Variants in CELF6 observed in about 807,000 individuals in gnomAD.
The protein encoded by CELF6 is CUGBP Elav-like family member 6.
Under a neutral mutation model 53.1 loss-of-function variants are expected in CELF6, and 32 were observed. The observed-to-expected ratio is 0.60, with a 90% CI of 0.46 to 0.81. The LOEUF is 0.81. CELF6 is among the 30% of genes least tolerant of loss of function. The probability of loss-of-function intolerance (pLI) is 0.00; values close to 1 mark genes in which losing one functional copy is unlikely to be tolerated. For synonymous variants in CELF6, 291 were observed against 288.8 expected, an observed-to-expected ratio of 1.01 and a Z score of -0.08; for missense variants, 539 against 669.5, an observed-to-expected ratio of 0.81 and a Z score of 2.15.
Position 72,289,248 on chromosome 15 carries a change from G to C in CELF6, c.920C>G (p.Pro307Arg). The C allele has an allele frequency of 2.5e-6, 4 of 1,584,512 alleles. No individual in the cohort carries two copies. The South Asian group carries it at 4.6e-5, about 18-fold the overall frequency. Residue 307 changes from proline to arginine, a missense_variant, in exon 8 of 13, where the codon CCA becomes CGA. Physicochemically the swap from Pro to Arg is moderately radical, Grantham distance 103 (BLOSUM62 -2). Coordinates refer to ENST00000287202, the MANE Select transcript of CELF6 (RefSeq NM_052840.5). This position sits in a 1 kb window ranked among gnomAD's most constrained non-coding sequence, Gnocchi z 7.6. ...SPPGSGPGTL[P>R]GLPAPIGVNG... ...GACCCCGATGGGCGCCGGAAGACCTGGGAGGGTGCCAGGGCCGCTGCCAGG... is the reference window on the plus strand; with the variant it reads ...GACCCCGATGGGCGCCGGAAGACCTCGGAGGGTGCCAGGGCCGCTGCCAGG...
chr15:72,302,744 C>A (rs575079239), intron 3 of CELF6, among the ~76,000 whole-genome samples: 3 of 152,352 alleles, frequency 2.0e-5, no homozygotes, highest in Non-Finnish European at 1.5e-5. Flanking sequence ...TTCTTCTGAG[C>A]TCTGGGGCCT....
intron 2 of CELF6, among the ~76,000 whole-genome samples, chr15:72,306,822 C>T (rs1159715099): frequency 6.6e-6 from 1 of 151,958 alleles, no homozygotes; most frequent in Non-Finnish European, 1.5e-5. Flanking sequence ...TGGGCATGGC[C>T]ACCTGTGATT....
Position 72,285,281 on chromosome 15 carries a change from C to G in CELF6, c.*1090G>C, listed in dbSNP as rs1475539665. 6.6e-6 allele frequency: 1 copy of G among 152,668 alleles called. No homozygotes were observed. Among genetic ancestry groups the G allele is most frequent in the Non-Finnish European group, 1.5e-5 (1 of 68,056 alleles). The allele number at this position is 152,668 out of a possible 1,614,324, so 9.5% of individuals were successfully genotyped here. A position where few individuals can be genotyped will look rare whatever the true frequency, so the allele number is the denominator to read the frequency against. ...TAAAGAGGGACCTCTAATTCTGAAG[C>G]TTCTACATATTGAAAAATTTCCCCT... is the stretch of plus-strand genomic sequence containing the variant. On this transcript the variant is annotated 3_prime_UTR_variant, in exon 13 of 13. Coordinates refer to ENST00000287202, the MANE Select transcript of CELF6 (RefSeq NM_052840.5).
chr15:72,295,911 T>A (rs955054587), intron 3 of CELF6, among the ~76,000 whole-genome samples: 1 of 152,114 alleles, frequency 6.6e-6, no homozygotes, highest in African/African-American at 2.4e-5. Context: ...CTAAAATTCA[T>A]ATGGAATCTC....
chr15:72,313,862 G>A (rs562357096), intron 2 of CELF6: 4 of 414,352 alleles, frequency 9.7e-6, no homozygotes, highest in Non-Finnish European at 1.3e-5. Context: ...AACTCATATC[G>A]AGTGCTTATT....
intron 3 of CELF6, among the ~76,000 whole-genome samples, chr15:72,293,867 A>G (rs1047950572): frequency 6.6e-6 from 1 of 151,728 alleles, no homozygotes; most frequent in Non-Finnish European, 1.5e-5. Flanking sequence ...TAATTTTTGT[A>G]TTTTTTAGTA....
chr15:72,291,981 A>G (rs1442536766), intron 3 of CELF6, among the ~76,000 whole-genome samples: 1 of 152,220 alleles, frequency 6.6e-6, no homozygotes, highest in Non-Finnish European at 1.5e-5. Flanking sequence ...CAGCCACAGA[A>G]TAGTGCCCTT....
intron 3 of CELF6, chr15:72,292,372 C>A: frequency 1.3e-6 from 1 of 745,374 alleles, no homozygotes; most frequent in Admixed American, 2.6e-5. Flanking sequence ...CCCCGAAAGA[C>A]CATGCCATTG....
At chr15:72,308,685 TG>T (rs1369360063) in intron 2 of CELF6, among the ~76,000 whole-genome samples, 1 of 152,144 alleles carries the variant, frequency 6.6e-6, no homozygotes, top group Non-Finnish European at 1.5e-5. Context: ...GATTTTTAAA[TG>T]TTTTTTTTTA....
At chr15:72,290,959 C>T (rs1441459296) in intron 3 of CELF6, among the ~76,000 whole-genome samples, 2 of 152,164 alleles carry the variant, frequency 1.3e-5, no homozygotes, top group African/African-American at 4.8e-5. Flanking sequence ...AGTTGCTGAA[C>T]CCCTGACCCC....
Position 72,309,102 on chromosome 15 carries a change from T to C in CELF6, c.346-4308A>G, listed in dbSNP as rs144869969. On this transcript the variant is annotated intron_variant, in intron 2 of 12. Transcript: ENST00000287202. The stretch of plus-strand genomic sequence containing the variant: ...TAATTTTTAAATTTTTTGTAGAGAC[T>C]GGGTCTCACTATGTTGCCCAGGATG... Among the ~76,000 whole-genome samples the C allele has an allele frequency of 2.8e-3, 432 of 152,324 alleles. 3 individuals are homozygous for C. The highest frequency in any genetic ancestry group is 0.01 in the African/African-American group (420 of 41,560).
rs762154571 is a variant in CELF6 at position 72,290,218 on chromosome 15, C to T, written c.432G>A (p.Gln144=). The change falls in exon 4 of 13, where the codon CAG becomes CAA. Residue 144 remains glutamine, a synonymous_variant. Transcript: ENST00000287202. ...RKLFVGMLGK[Q]QGEEDVRRLF... Reference sequence around the variant, plus strand: ...GGCGTCTGACGTCCTCCTCACCCTGCTGCTTGCCCAGCATCCCCACAAACA... The same window carrying T: ...GGCGTCTGACGTCCTCCTCACCCTGTTGCTTGCCCAGCATCCCCACAAACA... 1 of 1,613,798 alleles carries T rather than the reference C, an allele frequency of 6.2e-7. No homozygotes were observed. The highest frequency in any genetic ancestry group is 8.5e-7 in the Non-Finnish European group (1 of 1,179,926).
rs2087902943 is a variant in CELF6 at position 72,284,869 on chromosome 15, C to A, written c.*1502G>T. The A allele has an allele frequency of 6.6e-6, 1 of 152,630 alleles. No homozygotes were observed. Among genetic ancestry groups the A allele is most frequent in the Non-Finnish European group, 1.5e-5 (1 of 68,052 alleles). The allele number at this position is 152,630 out of a possible 1,614,324, so 9.5% of individuals were successfully genotyped here. On this transcript the variant is annotated 3_prime_UTR_variant, in exon 13 of 13. Transcript: ENST00000287202. ...ATCTGGGGATTAGAGGGACCCCACA[C>A]AGCTGGGGCCTCAGACCAAGCTGAT...
intron 3 of CELF6, among the ~76,000 whole-genome samples, chr15:72,295,701 G>C (rs1243081291): frequency 6.8e-6 from 1 of 147,338 alleles, no homozygotes; most frequent in East Asian, 2.0e-4. Context: ...ACTCCAGCCT[G>C]GGTGATAGTG....
At chr15:72,310,546 C>CT (rs11400175) in intron 2 of CELF6, among the ~76,000 whole-genome samples, 119,827 of 138,400 alleles carry the variant, frequency 0.87, 54,080 homozygotes, top group Non-Finnish European at 0.98. Context: ...CCAGAGTAAT[C>CT]TTTTTTTTTT....
At chr15:72,293,983 C>G (rs528469774) in intron 3 of CELF6, among the ~76,000 whole-genome samples, 1 of 152,220 alleles carries the variant, frequency 6.6e-6, no homozygotes, top group Non-Finnish European at 1.5e-5. Flanking sequence ...GTGTGAGCCA[C>G]CACACCCAGT....
rs1302164551 is a variant in CELF6, at chr15:72,320,002, A to G, written c.-128T>C. The G allele has an allele frequency of 3.3e-6, 2 of 611,674 alleles. No individual in the cohort carries two copies. Among genetic ancestry groups the G allele is most frequent in the South Asian group, 2.2e-5 (1 of 45,824 alleles). The allele number at this position is 611,674 out of a possible 1,614,324, so 37.9% of individuals were successfully genotyped here. A position where few individuals can be genotyped will look rare whatever the true frequency, so the allele number is the denominator to read the frequency against. On this transcript the variant is annotated 5_prime_UTR_variant, in exon 1 of 13. Coordinates refer to ENST00000287202, the MANE Select transcript of CELF6 (RefSeq NM_052840.5). ...GGGCGGAGAGGGCGGGGGGCTGCCC[A>G]GGGGGCGGGGTCCGGGTGGAGGGGC...
Position 72,288,218 on chromosome 15 carries a change from C to T in CELF6, c.1318+90G>A. 1.5e-6 allele frequency: 2 copies of T among 1,359,928 alleles called. No homozygotes were observed. The highest frequency in any genetic ancestry group is 2.1e-6 in the Non-Finnish European group (2 of 952,938). 84.2% of individuals were successfully genotyped at this position (1,359,928 alleles called of 1,614,324 possible). On this transcript the variant is annotated intron_variant, in intron 11 of 12. Coordinates refer to ENST00000287202, the MANE Select transcript of CELF6 (RefSeq NM_052840.5). This position sits in a 1 kb window ranked among gnomAD's most constrained non-coding sequence, Gnocchi z 4.6. Reference sequence around the variant, plus strand: ...TGCCATACATTCAATCTCAGGAAATCACTGCATTATGGAAGGGCAATCGTA... The same window carrying T: ...TGCCATACATTCAATCTCAGGAAATTACTGCATTATGGAAGGGCAATCGTA...
rs779176827 is a variant in CELF6 at position 72,289,289 on chromosome 15, T to C, written c.881-2A>G. 64 of 1,567,026 alleles carry C rather than the reference T, an allele frequency of 4.1e-5. No homozygotes were observed. Among genetic ancestry groups the C allele is most frequent in the East Asian group, 1.6e-4 (7 of 43,176 alleles). The stretch of plus-strand genomic sequence containing the variant: ...CGCTGCCAGGCGGGGAGTTGGCTGC[T>C]GATGGCGGAAAAGGTCTGAGAGTCA... On this transcript the variant is annotated splice_acceptor_variant, in intron 7 of 12. Transcript: ENST00000287202. LOFTEE classifies it high-confidence loss of function. This position sits in a 1 kb window ranked among gnomAD's most constrained non-coding sequence, Gnocchi z 7.6.
Sources: gnomAD v4.1 joint callset for allele counts (sites outside exome capture counted in the v4.1 genomes callset) on GRCh38, gnomAD v4.1.1 for gene constraint, Gnocchi (gnomAD v3.1) non-coding constraint, MANE v1.5 for transcripts, NCBI Gene and HGNC (gene_info 2026-07-23, HGNC 2026-07-21) for gene names.